The following FNIP1 variants were observed in gnomAD, a reference collection of about 807,000 sequenced individuals.
FNIP1 encodes folliculin interacting protein 1.
Under a neutral mutation model 124.5 loss-of-function variants are expected in FNIP1, and 40 were observed. That is an observed-to-expected ratio of 0.32 (90% CI 0.25 to 0.42). The LOEUF (loss-of-function observed/expected upper bound fraction) is 0.42. Among genes scored for constraint, FNIP1 ranks in the 10% least tolerant of loss-of-function variants. The pLI is 1.00. For synonymous variants in FNIP1, 472 were observed against 470.6 expected, an observed-to-expected ratio of 1.00 and a Z score of -0.04; for missense variants, 1,176 against 1,403.7, an observed-to-expected ratio of 0.84 and a Z score of 2.59.
In FNIP1 at chr5:131,699,133, G is replaced by A. The variant is rs1049185332; in HGVS notation, c.1117-131C>T. On this transcript the variant is annotated intron_variant, in intron 10 of 17. Coordinates refer to ENST00000510461, the MANE Select transcript of FNIP1 (RefSeq NM_133372.3). ...AAATTCTTATCGAGAAAGAAATAAA[G>A]AAAGTAAATGCATTTATTGTGGCTT... 35 of 558,338 alleles carry A rather than the reference G, an allele frequency of 6.3e-5. No homozygotes were observed. The Admixed American group carries it at 1.3e-3, about 20-fold the overall frequency. The allele number at this position is 558,338 out of a possible 1,614,324, so 34.6% of individuals were successfully genotyped here.
chr5:131,726,946 T>C (rs550584672), intron 3 of FNIP1, among the ~76,000 whole-genome samples: 103 of 152,338 alleles, frequency 6.8e-4, no homozygotes, highest in African/African-American at 2.3e-3. Context: ...AGTTTCTAAG[T>C]AGTTGTGTAG....
chr5:131,646,594 CT>C (rs1341833039), intron 17 of FNIP1, among the ~76,000 whole-genome samples: 2 of 152,160 alleles, frequency 1.3e-5, no homozygotes, highest in African/African-American at 2.4e-5. Context: ...TATGCCCCCC[CT>C]ACCAACTTCC....
intron 2 of FNIP1, among the ~76,000 whole-genome samples, chr5:131,741,680 T>C (rs1770516775): frequency 6.6e-6 from 1 of 152,232 alleles, no homozygotes; most frequent in African/African-American, 2.4e-5. Flanking sequence ...AAGTGAATTA[T>C]GATCATCTAT....
chr5:131,743,719 C>A (rs1366088164), intron 2 of FNIP1, among the ~76,000 whole-genome samples: 1 of 152,160 alleles, frequency 6.6e-6, no homozygotes, highest in African/African-American at 2.4e-5. Context: ...GAAGAGTTCT[C>A]TTGCCTTCTT....
intron 1 of FNIP1, among the ~76,000 whole-genome samples, chr5:131,748,638 A>T (rs1770764748): frequency 7.0e-6 from 1 of 142,606 alleles, no homozygotes; most frequent in African/African-American, 2.6e-5. Flanking sequence ...CAGAGGTTGC[A>T]GTGAGCCAAG....
intron 13 of FNIP1, among the ~76,000 whole-genome samples, chr5:131,675,953 G>C (rs1403807415): frequency 6.6e-6 from 1 of 152,070 alleles, no homozygotes; most frequent in East Asian, 1.9e-4. Context: ...TCTGCCTCCA[G>C]GTTCAAGGGA....
chr5:131,653,491 A>T (rs1211573453), intron 15 of FNIP1, among the ~76,000 whole-genome samples: 2 of 151,916 alleles, frequency 1.3e-5, no homozygotes, highest in Non-Finnish European at 2.9e-5. Context: ...GTGAGCTGAG[A>T]TCGTGCCATT....
chr5:131,735,782 A>G (rs1433105916), intron 2 of FNIP1, among the ~76,000 whole-genome samples: 2 of 151,074 alleles, frequency 1.3e-5, no homozygotes, highest in African/African-American at 2.4e-5. Context: ...GGGAAGAAAA[A>G]CCCTACCTAA....
Position 131,657,580 on chromosome 5 carries a change from G to A in FNIP1, c.3109-5581C>T, listed in dbSNP as rs1020161718. On this transcript the variant is annotated intron_variant, in intron 15 of 17. Coordinates refer to ENST00000510461, the MANE Select transcript of FNIP1 (RefSeq NM_133372.3). ...ATATCATGACAGTCCGAAGAATCAC[G>A]CCATAGAAGATGCCATTGCTGTTAC... is the stretch of plus-strand genomic sequence containing the variant. 3.3e-5 allele frequency among the ~76,000 whole-genome samples: 5 copies of A among 151,894 alleles called. No homozygotes were observed. The South Asian group carries it at 6.2e-4, about 19-fold the overall frequency.
At chr5:131,689,917 A>C (rs1255373900) in intron 11 of FNIP1, among the ~76,000 whole-genome samples, 4 of 152,182 alleles carry the variant, frequency 2.6e-5, no homozygotes, top group Admixed American at 2.6e-4. Context: ...AGTCAGAGAT[A>C]GATTAAAAGT....
rs143245360 is a variant in FNIP1 at position 131,671,575 on chromosome 5, T to C, written c.2869A>G (p.Arg957Gly). 5.7e-5 allele frequency: 92 copies of C among 1,613,650 alleles called. No individual in the cohort carries two copies. Among genetic ancestry groups the C allele is most frequent in the Non-Finnish European group, 7.5e-5 (88 of 1,180,018 alleles). The stretch of plus-strand genomic sequence containing the variant: ...CCTCCATAATAACTGCTAACTTGTC[T>C]AGTCATATCATGACCTGTATCTTCA... ...ESEDTGHDMT[R>G]QVSSYYGGEQ... Residue 957 changes from arginine to glycine, a missense_variant, in exon 14 of 18, where the codon AGA (arginine) becomes GGA (glycine). By Grantham distance (125) the Arg-to-Gly change is moderately radical (BLOSUM62 -2). Coordinates refer to ENST00000510461, the MANE Select transcript of FNIP1 (RefSeq NM_133372.3).
At chr5:131,764,228 G>A (rs993735244) in intron 1 of FNIP1, among the ~76,000 whole-genome samples, 1 of 151,772 alleles carries the variant, frequency 6.6e-6, no homozygotes, top group Non-Finnish European at 1.5e-5. Flanking sequence ...AGAACCATGA[G>A]CCAATTAAAC....
In FNIP1 at chr5:131,672,311, C is replaced by A; in HGVS notation, c.2133G>T (p.Leu711Phe). 1 of 1,614,206 alleles carries A rather than the reference C, an allele frequency of 6.2e-7. No homozygotes were observed. Among genetic ancestry groups the A allele is most frequent in the Non-Finnish European group, 8.5e-7 (1 of 1,180,030 alleles). Residue 711 changes from leucine (L) to phenylalanine (F), a missense_variant, in exon 14 of 18, where the codon TTG becomes TTT. Around this residue, in one of 2 missense-constraint regions of FNIP1, gnomAD observed 1,109 missense variants for 1,288.5 expected, o/e 0.86. Transcript: ENST00000510461. ...STEETWQSEK[L>F]LDSDSHTGKA... The stretch of plus-strand genomic sequence containing the variant: ...TGCCTGTGTGACTGTCTGAATCCAG[C>A]AACTTCTCACTCTGCCATGTTTCCT...
chr5:131,646,146 A>T (rs1766873641), intron 17 of FNIP1, among the ~76,000 whole-genome samples: 1 of 152,206 alleles, frequency 6.6e-6, no homozygotes, highest in African/African-American at 2.4e-5. Flanking sequence ...AATACTGGAG[A>T]ACAATTCTCT....
chr5:131,746,262 C>T (rs987122182), intron 1 of FNIP1, among the ~76,000 whole-genome samples: 8 of 152,028 alleles, frequency 5.3e-5, no homozygotes, highest in African/African-American at 1.9e-4. Flanking sequence ...TTACAACAGG[C>T]TATTTATTTT....
chr5:131,693,796 A>C (rs1768596775), intron 11 of FNIP1, among the ~76,000 whole-genome samples: 1 of 152,136 alleles, frequency 6.6e-6, no homozygotes, highest in Non-Finnish European at 1.5e-5. Flanking sequence ...ACAAACTGTA[A>C]GAAGTATTTT....
At chr5:131,712,810 G>A (rs1174123773) in intron 6 of FNIP1, among the ~76,000 whole-genome samples, 1 of 152,172 alleles carries the variant, frequency 6.6e-6, no homozygotes, top group East Asian at 1.9e-4. Flanking sequence ...AAAAGTTTGA[G>A]AACGACTGCT....
At chr5:131,696,593 TATAG>T (rs1768700586) in intron 11 of FNIP1, among the ~76,000 whole-genome samples, 1 of 152,112 alleles carries the variant, frequency 6.6e-6, no homozygotes, top group Non-Finnish European at 1.5e-5. Flanking sequence ...AATCTAACGT[TATAG>T]ATATTTTTAC....
chr5:131,670,735 C>A, intron 14 of FNIP1, 104 bp from the exon 15 acceptor site: 1 of 791,864 alleles, frequency 1.3e-6, no homozygotes, highest in Non-Finnish European at 1.9e-6. Context: ...TTACACTAGT[C>A]TGTATTAAAA....
Sources: allele counts gnomAD v4.1 joint callset (sites outside exome capture counted in the v4.1 genomes callset), GRCh38; gene constraint gnomAD v4.1.1; regional missense constraint gnomAD v4.1.1; transcripts MANE v1.5; gene names NCBI Gene and HGNC (gene_info 2026-07-23, HGNC 2026-07-21).